The following FHAD1 variants were observed in gnomAD, a reference collection of about 807,000 sequenced individuals.
FHAD1 encodes forkhead associated phosphopeptide binding domain 1.
A neutral mutation model predicts 191.3 loss-of-function variants in FHAD1; 146 were observed. The observed-to-expected ratio is 0.76, with a 90% CI of 0.67 to 0.88. The LOEUF is 0.88. Ranked by LOEUF, FHAD1 falls within the 40% of genes least tolerant of loss-of-function variation. The pLI is 0.00. For synonymous variants in FHAD1, 616 were observed against 672.3 expected (o/e 0.92, Z 1.29); for missense variants, 1,635 against 1,785.8 (o/e 0.92, Z 1.52).
At chr1:15,379,978 T>C (rs962267210) in intron 28 of FHAD1, among the ~76,000 whole-genome samples, 1 of 152,218 alleles carries the variant, frequency 6.6e-6, no homozygotes, top group African/African-American at 2.4e-5. Flanking sequence ...TTCCCCACAC[T>C]GAAGTGATGC....
intron 16 of FHAD1, among the ~76,000 whole-genome samples, chr1:15,343,370 C>T (rs1161187944): frequency 2.6e-5 from 4 of 151,376 alleles, no homozygotes; most frequent in Non-Finnish European, 2.9e-5. Context: ...CCCCTCAAGA[C>T]AGCAGCCCCC....
In FHAD1 at chr1:15,360,555, C is replaced by T. The variant is rs777926804; in HGVS notation, c.2814C>T (p.His938=). The change falls in exon 22 of 34, where the codon CAC becomes CAT. Residue 938 remains histidine (H), a synonymous_variant. Transcript: ENST00000688493. ...ALQDEQESQR[H]GFEEEIMEYK... ...AGGATGAGCAGGAATCACAGAGACA[C>T]GGGTTTGAAGAAGAGATCATGGAAT... is the stretch of plus-strand genomic sequence containing the variant. 3.0e-5 allele frequency: 47 copies of T among 1,551,906 alleles called. No individual in the cohort carries two copies. The South Asian group carries it at 3.6e-4, about 12-fold the overall frequency.
Position 15,329,587 on chromosome 1 carries a change from TCG to T in FHAD1, c.1906+49_1906+50del. 6.6e-7 allele frequency: 1 copy of T among 1,510,790 alleles called. No homozygotes were observed. The highest frequency in any genetic ancestry group is 9.0e-7 in the Non-Finnish European group (1 of 1,111,406). 93.6% of individuals were successfully genotyped at this position (1,510,790 alleles called of 1,614,324 possible). A position where few individuals can be genotyped will look rare whatever the true frequency, so the allele number is the denominator to read the frequency against. ...CACATGGTTGCATGACTCTAAAATG[TCG>T]CGTTGAATCTCAGCATGATGGGACA... On this transcript the variant is annotated intron_variant, in intron 14 of 33. Transcript: ENST00000688493. This position sits in a 1 kb window ranked among gnomAD's most constrained non-coding sequence, Gnocchi z 5.0.
chr1:15,261,368 C>T (rs910886574), intron 2 of FHAD1, among the ~76,000 whole-genome samples: 6 of 152,236 alleles, frequency 3.9e-5, no homozygotes, highest in Admixed American at 6.5e-5. Context: ...ACTTCCGGAA[C>T]GGGGGTGTGG....
intron 1 of FHAD1, among the ~76,000 whole-genome samples, chr1:15,248,212 T>C (rs181106646): frequency 6.6e-6 from 1 of 152,308 alleles, no homozygotes; most frequent in Admixed American, 6.5e-5. Context: ...GTGTCAGGCA[T>C]GGCAGCGCTG....
At chr1:15,345,559 T>G (rs1353646193) in intron 18 of FHAD1, 36 bp downstream of exon 18, 4 of 1,502,292 alleles carry the variant, frequency 2.7e-6, no homozygotes, top group Non-Finnish European at 2.7e-6. Context: ...TGAGCCCCAG[T>G]CGGCTTGAGG....
Position 15,312,987 on chromosome 1 carries a change from G to T in FHAD1, c.1040-70G>T, listed in dbSNP as rs1672756553. ...CTCAGTGCCAGGCTCGTCACAAACT[G>T]GTTGACAGCGGCAGCGATGACAGTC... is the stretch of plus-strand genomic sequence containing the variant. On this transcript the variant is annotated intron_variant, in intron 7 of 33. Coordinates refer to ENST00000688493, the MANE Select transcript of FHAD1 (RefSeq NM_001391957.1). This position sits in a 1 kb window ranked among gnomAD's most constrained non-coding sequence, Gnocchi z 4.7. The T allele has an allele frequency of 1.3e-6, 2 of 1,532,132 alleles. No individual in the cohort carries two copies. The highest frequency in any genetic ancestry group is 1.7e-4 in the Middle Eastern group (1 of 5,876). 94.9% of individuals were successfully genotyped at this position (1,532,132 alleles called of 1,614,324 possible). A position where few individuals can be genotyped will look rare whatever the true frequency, so the allele number is the denominator to read the frequency against.
intron 20 of FHAD1, 174 bp from the exon 21 acceptor site, chr1:15,357,936 G>A (rs915472621): frequency 2.2e-5 from 12 of 542,352 alleles, no homozygotes; most frequent in Non-Finnish European, 3.2e-5. Context: ...ATATAAAGAC[G>A]AGTTCTATAA....
At chr1:15,323,260 T>C (rs1239149165) in intron 10 of FHAD1, among the ~76,000 whole-genome samples, 1 of 152,152 alleles carries the variant, frequency 6.6e-6, no homozygotes, top group Non-Finnish European at 1.5e-5. Flanking sequence ...GGCAGTGATA[T>C]GAAGAACAGG....
chr1:15,381,894 C>G lies in FHAD1; in HGVS notation c.4023-134C>G. 2.1e-6 allele frequency: 2 copies of G among 940,548 alleles called. No homozygotes were observed. Among genetic ancestry groups the G allele is most frequent in the Non-Finnish European group, 3.2e-6 (2 of 627,694 alleles). 58.3% of individuals were successfully genotyped at this position (940,548 alleles called of 1,614,324 possible). A position where few individuals can be genotyped will look rare whatever the true frequency, so the allele number is the denominator to read the frequency against. On this transcript the variant is annotated intron_variant, in intron 30 of 33. Transcript: ENST00000688493. This position sits in a 1 kb window ranked among gnomAD's most constrained non-coding sequence, Gnocchi z 4.6. The stretch of plus-strand genomic sequence containing the variant: ...CTCTGTACCCCAAATCTTCGTCATG[C>G]TCTCCTGCTTGTGATGACACTCCTG...
intron 33 of FHAD1, among the ~76,000 whole-genome samples, chr1:15,396,874 T>C (rs1040166008): frequency 2.0e-5 from 3 of 151,794 alleles, no homozygotes; most frequent in Non-Finnish European, 2.9e-5. Context: ...AAGTGTCTAG[T>C]TCTCCTCATG....
Position 15,249,775 on chromosome 1 carries a change from C to A in FHAD1, c.-14-1996C>A, listed in dbSNP as rs74519426. On this transcript the variant is annotated intron_variant, in intron 1 of 33. Coordinates refer to ENST00000688493, the MANE Select transcript of FHAD1 (RefSeq NM_001391957.1). ...CCCAAGTGACAACCTCTCCCTCCCCCCACTCAGTCACTCTCTCTGCTCCCC... is the reference window on the plus strand; with the variant it reads ...CCCAAGTGACAACCTCTCCCTCCCCACACTCAGTCACTCTCTCTGCTCCCC... Among the ~76,000 whole-genome samples, 1,271 of 152,206 alleles carry A rather than the reference C, an allele frequency of 8.4e-3. 14 individuals are homozygous for A. The highest frequency in any genetic ancestry group is 0.029 in the African/African-American group (1,185 of 41,514).
intron 1 of FHAD1, among the ~76,000 whole-genome samples, chr1:15,238,149 A>G (rs1484313293): frequency 2.7e-5 from 4 of 149,324 alleles, no homozygotes; most frequent in African/African-American, 9.9e-5. Context: ...CAGGAGGCTG[A>G]GGCAGGAGAA....
At chr1:15,335,536 T>C (rs966176071) in intron 14 of FHAD1, 1 of 151,824 alleles carries the variant, frequency 6.6e-6, no homozygotes, top group African/African-American at 2.4e-5. Flanking sequence ...GAAAAAGACA[T>C]CAAACTGTTA....
At chr1:15,389,645 G>A (rs534525350) in intron 32 of FHAD1, among the ~76,000 whole-genome samples, 31 of 152,118 alleles carry the variant, frequency 2.0e-4, no homozygotes, top group African/African-American at 5.5e-4. Flanking sequence ...ACGATTCTTC[G>A]CAGACTGTTG....
intron 33 of FHAD1, among the ~76,000 whole-genome samples, chr1:15,395,835 T>C (rs1705765937): frequency 6.6e-6 from 1 of 152,212 alleles, no homozygotes; most frequent in African/African-American, 2.4e-5. Context: ...AGTGTTAATG[T>C]ATTTTACGTG....
intron 3 of FHAD1, among the ~76,000 whole-genome samples, chr1:15,287,692 G>A (rs1558008363): frequency 6.6e-6 from 1 of 152,166 alleles, no homozygotes; most frequent in Non-Finnish European, 1.5e-5. Flanking sequence ...GTATCACCAG[G>A]TGATCGGAGT....
At position 15,352,993 on chromosome 1, in the gene FHAD1, C is replaced by T. The variant is rs369429465; in HGVS notation, c.2562+9C>T. ...TAACCAAGCAGAAAGAGGTATGAGC[C>T]GCAGGGAGGGAGAGACGAGAGGGGC... On this transcript the variant is annotated intron_variant, in intron 20 of 33. Transcript: ENST00000688493. 3.8e-5 allele frequency: 59 copies of T among 1,543,376 alleles called. No homozygotes were observed. Among genetic ancestry groups the T allele is most frequent in the African/African-American group, 2.9e-4 (21 of 72,794 alleles).
At chr1:15,288,058 G>A (rs993850551) in intron 3 of FHAD1, among the ~76,000 whole-genome samples, 1 of 152,120 alleles carries the variant, frequency 6.6e-6, no homozygotes, top group Non-Finnish European at 1.5e-5. Flanking sequence ...CAAGACAATT[G>A]GGAGACAGAG....
Sources: allele counts gnomAD v4.1 joint callset (sites outside exome capture counted in the v4.1 genomes callset), GRCh38; gene constraint gnomAD v4.1.1; non-coding constraint Gnocchi (gnomAD v3.1); transcripts MANE v1.5; gene names NCBI Gene and HGNC (gene_info 2026-07-23, HGNC 2026-07-21).